The following RARB variants were observed in gnomAD, a reference collection of about 807,000 sequenced individuals.
RARB encodes HBV-activated protein.
In RARB, 17 loss-of-function variants were observed where a neutral mutation model predicts 51.9. The ratio of observed to expected loss-of-function variants is 0.33; its 90% CI spans 0.22 to 0.49. The LOEUF is 0.49. Among genes scored for constraint, RARB ranks in the 20% least tolerant of loss-of-function variants. The pLI, the probability that RARB is intolerant of heterozygous loss-of-function variation, is 0.99. For missense variants in RARB, 369 were observed against 550.8 expected, an observed-to-expected ratio of 0.67 and a Z score of 3.30; for synonymous variants, 215 against 195.4, an observed-to-expected ratio of 1.10 and a Z score of -0.84.
At chr3:25,144,889 C>G (rs1051015060) in intron 4 of RARB, among the ~76,000 whole-genome samples, 6 of 152,198 alleles carry the variant, frequency 3.9e-5, no homozygotes, top group Admixed American at 1.3e-4. Flanking sequence ...ATGGCAGACT[C>G]TTGCCACCTT....
intron 2 of RARB, among the ~76,000 whole-genome samples, chr3:24,869,490 A>G (rs978370222): frequency 3.9e-5 from 6 of 152,116 alleles, no homozygotes; most frequent in African/African-American, 1.4e-4. Context: ...AAATAGACTA[A>G]AACTCTGAAG....
rs66976672 is a variant in RARB at position 24,877,346 on chromosome 3, C to CTTTTTTTTTTTTTTTTTTTTTTTTTTT, written c.-380+18611_-380+18612insTTTTTTTTTTTTTTTTTTTTTTTTTTT. ...ATAGTAATTTTTTAAAGCAATCTTA[C>CTTTTTTTTTTTTTTTTTTTTTTTTTTT]TTTTTTTTTTTTTTTTTGGAAAATT... is the stretch of plus-strand genomic sequence containing the variant. On this transcript the variant is annotated intron_variant, in intron 2 of 11. Transcript: ENST00000383772. 9.3e-4 allele frequency among the ~76,000 whole-genome samples: 76 copies of CTTTTTTTTTTTTTTTTTTTTTTTTTTT among 81,894 alleles called. 13 individuals are homozygous for CTTTTTTTTTTTTTTTTTTTTTTTTTTT. The highest frequency in any genetic ancestry group is 2.4e-3 in the East Asian group (6 of 2,454). 53.7% of individuals were successfully genotyped at this position (81,894 alleles called of 152,430 possible).
chr3:25,284,957 C>A (rs1049142827), intron 5 of RARB, among the ~76,000 whole-genome samples: 2 of 152,156 alleles, frequency 1.3e-5, no homozygotes, highest in African/African-American at 4.8e-5. Flanking sequence ...TACCAAATGT[C>A]CTTATAGCAG....
In RARB at chr3:25,057,803, A is replaced by G. The variant is rs144601014; in HGVS notation, c.-379-2322A>G. Reference sequence around the variant, plus strand: ...AAGCTAAACTATCATTTTAAAATAAATTGAATTTTTTTTTACCATCGAAAA... The same window carrying G: ...AAGCTAAACTATCATTTTAAAATAAGTTGAATTTTTTTTTACCATCGAAAA... On this transcript the variant is annotated intron_variant, in intron 2 of 11. Coordinates refer to the RARB transcript ENST00000383772. Among the ~76,000 whole-genome samples, 481 of 152,154 alleles carry G rather than the reference A, an allele frequency of 3.2e-3. 4 individuals are homozygous for G. The highest frequency in any genetic ancestry group is 0.011 in the African/African-American group (462 of 41,552).
At chr3:25,346,056 G>A (rs1333973501) in intron 5 of RARB, 1 of 192,092 alleles carries the variant, frequency 5.2e-6, no homozygotes, top group African/African-American at 2.4e-5. Flanking sequence ...CATCTGTGGT[G>A]GGTTAGTTGT....
intron 1 of RARB, chr3:25,458,394 G>T (rs982378501): frequency 3.3e-5 from 5 of 152,296 alleles, no homozygotes; most frequent in Admixed American, 2.6e-4. Flanking sequence ...AAGATTGTGG[G>T]TGAGTGATTC....
chr3:25,120,527 A>C (rs375984620), intron 3 of RARB, among the ~76,000 whole-genome samples: 7 of 136,162 alleles, frequency 5.1e-5, no homozygotes, highest in African/African-American at 8.4e-5. Flanking sequence ...ATATATAAAA[A>C]TCTCTCTCTC....
intron 3 of RARB, among the ~76,000 whole-genome samples, chr3:25,542,545 T>C (rs1699428789): frequency 6.6e-6 from 1 of 152,246 alleles, no homozygotes; most frequent in African/African-American, 2.4e-5. Flanking sequence ...CCTACTGTAG[T>C]ATTAATAAAA....
intron 5 of RARB, among the ~76,000 whole-genome samples, chr3:25,362,655 C>T (rs1230139861): frequency 6.6e-6 from 1 of 152,194 alleles, no homozygotes; most frequent in East Asian, 1.9e-4. Context: ...ATGAGAAAAG[C>T]ATAGTATCTG....
At chr3:25,056,945 A>C (rs1423665900) in intron 2 of RARB, among the ~76,000 whole-genome samples, 1 of 152,048 alleles carries the variant, frequency 6.6e-6, no homozygotes, top group Admixed American at 6.6e-5. Flanking sequence ...CTAAGCCTTG[A>C]AGTAAACCAT....
intron 2 of RARB, among the ~76,000 whole-genome samples, chr3:24,943,240 A>G (rs1181189045): frequency 1.3e-5 from 2 of 152,214 alleles, no homozygotes; most frequent in African/African-American, 2.4e-5. Context: ...ACATAAAACA[A>G]ACTTCTATTT....
intron 3 of RARB, 65 bp from the exon 4 acceptor site, chr3:25,569,693 T>A: frequency 1.3e-6 from 2 of 1,540,300 alleles, no homozygotes; most frequent in South Asian, 2.5e-5. Context: ...AGGTGGAACC[T>A]CCCAGCTCAG....
At chr3:25,311,460 G>A (rs1704287519) in intron 5 of RARB, among the ~76,000 whole-genome samples, 1 of 152,198 alleles carries the variant, frequency 6.6e-6, no homozygotes, top group African/African-American at 2.4e-5. Context: ...AAAGAACTTT[G>A]CAAATCTGGA....
chr3:24,912,314 A>G (rs543276646), intron 2 of RARB, among the ~76,000 whole-genome samples: 2 of 152,278 alleles, frequency 1.3e-5, no homozygotes, highest in South Asian at 4.1e-4. Flanking sequence ...CTGTACCTCC[A>G]TTTGTTCTAC....
chr3:25,285,115 GA>G (rs1213114629), intron 5 of RARB, among the ~76,000 whole-genome samples: 1 of 152,146 alleles, frequency 6.6e-6, no homozygotes, highest in Non-Finnish European at 1.5e-5. Context: ...TAATAGCTGA[GA>G]GCATCATTAC....
In RARB at chr3:25,221,705, T is replaced by C. The variant is rs967284526; in HGVS notation, c.178+47130T>C. 4.6e-5 allele frequency among the ~76,000 whole-genome samples: 7 copies of C among 152,304 alleles called. No homozygotes were observed. The East Asian group carries it at 1.4e-3, about 29-fold the overall frequency. On this transcript the variant is annotated intron_variant, in intron 5 of 11. Transcript: ENST00000383772. ...CCTCTCCCATCTCTTTTTAACCAAA[T>C]GCTGCTTCTAGGAGAACTTGATTGA...
chr3:25,089,833 G>C (rs935735716), intron 3 of RARB, among the ~76,000 whole-genome samples: 1 of 152,082 alleles, frequency 6.6e-6, no homozygotes, highest in Non-Finnish European at 1.5e-5. Flanking sequence ...GCTTTTCATA[G>C]ATTCTATTCC....
intron 1 of RARB, among the ~76,000 whole-genome samples, chr3:24,844,281 C>CT (rs559459372): frequency 1.3e-5 from 2 of 152,236 alleles, no homozygotes; most frequent in East Asian, 3.9e-4. Context: ...CCTGGGAGCA[C>CT]TTTTTTTTCT....
intron 5 of RARB, among the ~76,000 whole-genome samples, chr3:25,221,195 G>T (rs1276235804): frequency 2.0e-5 from 3 of 152,096 alleles, no homozygotes; most frequent in Non-Finnish European, 4.4e-5. Flanking sequence ...GGAATTAGGA[G>T]GAACTACCAA....
Sources: allele counts gnomAD v4.1 joint callset (sites outside exome capture counted in the v4.1 genomes callset), GRCh38; gene constraint gnomAD v4.1.1; transcripts MANE v1.5; gene names NCBI Gene and HGNC (gene_info 2026-07-23, HGNC 2026-07-21).